LRCH3: variants seen among roughly 807,000 people sequenced by gnomAD.
LRCH3 encodes leucine rich repeats and calponin homology domain containing 3.
In LRCH3, 68 loss-of-function variants were observed where a neutral mutation model predicts 104.5. The observed-to-expected ratio is 0.65, with a 90% CI of 0.54 to 0.80. LRCH3 has a LOEUF of 0.80. Among genes scored for constraint, LRCH3 ranks in the 30% least tolerant of loss-of-function variants. LRCH3 has a pLI of 0.00. For synonymous variants in LRCH3, 344 were observed against 361.3 expected (o/e 0.95, Z 0.54); for missense variants, 951 against 953.9 (o/e 1.00, Z 0.04).
chr3:197,845,649 A>C (rs906185318), intron 10 of LRCH3, among the ~76,000 whole-genome samples: 7 of 152,164 alleles, frequency 4.6e-5, no homozygotes, highest in African/African-American at 1.7e-4. Context: ...TCACACCTGT[A>C]ATCCCAGCAC....
chr3:197,867,883 G>T (rs988418781), intron 17 of LRCH3, among the ~76,000 whole-genome samples: 3 of 151,956 alleles, frequency 2.0e-5, no homozygotes, highest in Non-Finnish European at 4.4e-5. Flanking sequence ...ACAAAAAAAG[G>T]CATGGTGGTG....
rs1580721079 is a variant in LRCH3 at position 197,835,484 on chromosome 3, G to T, written c.1103-190G>T. ...TTACAGGCGTGAGCCACCAACCTTG[G>T]ACATAAAATGGGTAAAAAAAAAAAA... is the stretch of plus-strand genomic sequence containing the variant. On this transcript the variant is annotated intron_variant, in intron 8 of 20. Transcript: ENST00000425562. 2.4e-5 allele frequency among the ~76,000 whole-genome samples: 3 copies of T among 125,318 alleles called. No homozygotes were observed. The Admixed American group carries it at 2.7e-4, about 11-fold the overall frequency. 82.2% of individuals were successfully genotyped at this position (125,318 alleles called of 152,430 possible).
chr3:197,807,291 A>T (rs998949316), intron 1 of LRCH3, among the ~76,000 whole-genome samples: 1 of 149,526 alleles, frequency 6.7e-6, no homozygotes, highest in African/African-American at 2.5e-5. Flanking sequence ...ATCTCGGGTC[A>T]CTGCCAGCTC....
At chr3:197,841,225 C>G (rs1737756434) in intron 10 of LRCH3, among the ~76,000 whole-genome samples, 1 of 152,146 alleles carries the variant, frequency 6.6e-6, no homozygotes, top group Non-Finnish European at 1.5e-5. Flanking sequence ...TTTTCACGCT[C>G]CTACATCTTG....
rs114684381 is a variant in LRCH3, at chr3:197,839,211, A to G, written c.1252-110A>G. On this transcript the variant is annotated intron_variant, in intron 9 of 20. Transcript: ENST00000425562. ...GTTTACATTTGAAGAGTCTATTAAA[A>G]TGTTTTTTAGTGTAATATATAAATT... 5.7e-3 allele frequency: 3,913 copies of G among 683,022 alleles called. 128 individuals are homozygous for G. The African/African-American group carries it at 0.064, about 11-fold the overall frequency. 42.3% of individuals were successfully genotyped at this position (683,022 alleles called of 1,614,324 possible). A position where few individuals can be genotyped will look rare whatever the true frequency, so the allele number is the denominator to read the frequency against.
At chr3:197,880,240 C>T (rs972515079) in intron 20 of LRCH3, among the ~76,000 whole-genome samples, 2 of 151,482 alleles carry the variant, frequency 1.3e-5, no homozygotes, top group East Asian at 1.9e-4. Flanking sequence ...CCACCGCGCC[C>T]GGCCTGTGTA....
rs754575548 is a variant in LRCH3, at chr3:197,834,561, CT to C, written c.1103-1112del. Among the ~76,000 whole-genome samples, 22 of 152,294 alleles carry C rather than the reference CT, an allele frequency of 1.4e-4. 1 individual carries two copies. In the South Asian group the frequency reaches 3.7e-3, roughly 26 times the overall value. On this transcript the variant is annotated intron_variant, in intron 8 of 20. Coordinates refer to ENST00000425562, the MANE Select transcript of LRCH3 (RefSeq NM_001365715.1). ...TTTTTTGTGTGTGGCCTTTGACTTT[CT>C]CTTGAGTTGACTGTGTTCGGTTTTC... is the stretch of plus-strand genomic sequence containing the variant.
intron 12 of LRCH3, 148 bp downstream of exon 12, chr3:197,848,169 T>G: frequency 1.4e-6 from 1 of 704,516 alleles, no homozygotes; most frequent in South Asian, 1.9e-5. Flanking sequence ...TCTCTTTTAC[T>G]TGTGTCTATC....
chr3:197,859,886 C>G (rs1406389259), intron 15 of LRCH3, among the ~76,000 whole-genome samples: 1 of 152,112 alleles, frequency 6.6e-6, no homozygotes, highest in Non-Finnish European at 1.5e-5. Context: ...CATGCCTTTC[C>G]CAGACTGTTC....
At chr3:197,806,050 C>T (rs1304435197) in intron 1 of LRCH3, among the ~76,000 whole-genome samples, 3 of 151,842 alleles carry the variant, frequency 2.0e-5, no homozygotes, top group Non-Finnish European at 2.9e-5. Flanking sequence ...TCTCAGCCTC[C>T]CGAGTAGCTG....
chr3:197,854,326 G>A lies in LRCH3; in HGVS notation c.1591-66G>A, dbSNP rs1232278451. On this transcript the variant is annotated intron_variant, in intron 13 of 20. Coordinates refer to ENST00000425562, the MANE Select transcript of LRCH3 (RefSeq NM_001365715.1). The surrounding 1 kb of genome is among the most constrained non-coding windows in gnomAD (Gnocchi z 4.5). ...TGTCTCTTCCCTTGTGTGTGTATTC[G>A]TGAAATACGTCACACGTGTGCGTAG... The A allele has an allele frequency of 1.3e-5, 18 of 1,359,158 alleles. No homozygotes were observed. The highest frequency in any genetic ancestry group is 2.3e-5 in the East Asian group (1 of 43,670). 84.2% of individuals were successfully genotyped at this position (1,359,158 alleles called of 1,614,324 possible).
At position 197,880,197 on chromosome 3, in the gene LRCH3, G is replaced by A. The variant is rs550867249; in HGVS notation, c.2209-3344G>A. Among the ~76,000 whole-genome samples the A allele has an allele frequency of 2.0e-4, 30 of 151,946 alleles. 1 individual carries two copies. In the South Asian group the frequency reaches 4.6e-3, roughly 23 times the overall value. On this transcript the variant is annotated intron_variant, in intron 20 of 20. Transcript: ENST00000425562. ...CCTGACCTCGTGATCCACCCGCCTCGGCCTCCCAAAGTGCTGGGATTACAG... is the reference window on the plus strand; with the variant it reads ...CCTGACCTCGTGATCCACCCGCCTCAGCCTCCCAAAGTGCTGGGATTACAG...
intron 5 of LRCH3, among the ~76,000 whole-genome samples, chr3:197,827,681 AT>A (rs1476320948): frequency 6.6e-6 from 1 of 151,994 alleles, no homozygotes; most frequent in Non-Finnish European, 1.5e-5. Flanking sequence ...TCTTCCCTAA[AT>A]TTTTTTCTAA....
At chr3:197,881,806 CG>C (rs1713799117) in intron 20 of LRCH3, 1 of 985,144 alleles carries the variant, frequency 1.0e-6, no homozygotes. Flanking sequence ...GCATAATATC[CG>C]GTTTAGAATT....
intron 17 of LRCH3, among the ~76,000 whole-genome samples, chr3:197,868,027 A>G (rs1391171205): frequency 1.3e-5 from 2 of 152,076 alleles, no homozygotes; most frequent in Non-Finnish European, 2.9e-5. Flanking sequence ...CTGTCTCAAA[A>G]AAACAAAAAA....
chr3:197,819,852 G>T (rs1035917042), intron 3 of LRCH3, among the ~76,000 whole-genome samples: 1 of 152,016 alleles, frequency 6.6e-6, no homozygotes, highest in Non-Finnish European at 1.5e-5. Context: ...TTTGGCAAGA[G>T]GTCTCTTTTT....
intron 10 of LRCH3, among the ~76,000 whole-genome samples, chr3:197,841,632 C>G (rs1445655800): frequency 6.6e-6 from 1 of 152,074 alleles, no homozygotes. Flanking sequence ...GCATCTTAGT[C>G]CAGAGTTCCT....
chr3:197,875,644 C>A, intron 19 of LRCH3, 54 bp from the exon 20 acceptor site: 1 of 1,377,274 alleles, frequency 7.3e-7, no homozygotes, highest in Non-Finnish European at 9.9e-7. Context: ...GCAGTGAGAC[C>A]CTGTCCCAGA....
Position 197,887,344 on chromosome 3 carries a change from T to G in LRCH3, c.*3678T>G, listed in dbSNP as rs1258747383. On this transcript the variant is annotated 3_prime_UTR_variant, in exon 21 of 21. Transcript: ENST00000425562. ...TTCCCATCACTGACAGTGTTGGGGG[T>G]TGAGAGCCCCCCAGCAGAGCCCTTC... 9.0e-6 allele frequency: 1 copy of G among 111,128 alleles called. No individual in the cohort carries two copies. Among genetic ancestry groups the G allele is most frequent in the Non-Finnish European group, 2.0e-5 (1 of 50,980 alleles). The allele number at this position is 111,128 out of a possible 1,614,324, so 6.9% of individuals were successfully genotyped here. A position where few individuals can be genotyped will look rare whatever the true frequency, so the allele number is the denominator to read the frequency against.
Sources: allele counts gnomAD v4.1 joint callset (sites outside exome capture counted in the v4.1 genomes callset), GRCh38; gene constraint gnomAD v4.1.1; non-coding constraint Gnocchi (gnomAD v3.1); transcripts MANE v1.5; gene names NCBI Gene and HGNC (gene_info 2026-07-23, HGNC 2026-07-21).